TSPAN5: variants seen among roughly 807,000 people sequenced by gnomAD.
The protein encoded by TSPAN5 is tetraspanin-5.
Under a neutral mutation model 37.1 loss-of-function variants are expected in TSPAN5, and 10 were observed. That is an observed-to-expected ratio of 0.27 (90% CI 0.17 to 0.46). TSPAN5 has a LOEUF of 0.46. Ranked by LOEUF, TSPAN5 falls within the 20% of genes least tolerant of loss-of-function variation. The pLI, the probability that TSPAN5 is intolerant of heterozygous loss-of-function variation, is 1.00. For missense variants in TSPAN5, 195 were observed against 326.6 expected (o/e 0.60, Z 3.11); for synonymous variants, 110 against 118.9 (o/e 0.93, Z 0.48).
At chr4:98,481,836 T>C (rs991723354) in intron 4 of TSPAN5, among the ~76,000 whole-genome samples, 169 bp downstream of exon 4, 2 of 152,076 alleles carry the variant, frequency 1.3e-5, no homozygotes, top group Non-Finnish European at 2.9e-5. Flanking sequence ...AGAATACAAA[T>C]CCTGTAAGTC....
intron 1 of TSPAN5, among the ~76,000 whole-genome samples, chr4:98,556,193 A>G (rs11730384): frequency 0.68 from 103,978 of 151,950 alleles, 35,778 homozygotes; most frequent in South Asian, 0.82. Flanking sequence ...CTGTGGGTGG[A>G]AAAGTCAATT....
intron 1 of TSPAN5, among the ~76,000 whole-genome samples, chr4:98,543,397 A>G (rs945669396): frequency 6.7e-6 from 1 of 149,014 alleles, no homozygotes; most frequent in Non-Finnish European, 1.5e-5. Flanking sequence ...AAATACATAC[A>G]TAACAATTCT....
chr4:98,527,065 C>A (rs1483560368), intron 1 of TSPAN5, among the ~76,000 whole-genome samples: 1 of 152,176 alleles, frequency 6.6e-6, no homozygotes. Flanking sequence ...TTGACATCGA[C>A]TGTGCTTAGT....
At chr4:98,575,972 G>A (rs191932301) in intron 1 of TSPAN5, among the ~76,000 whole-genome samples, 1 of 152,204 alleles carries the variant, frequency 6.6e-6, no homozygotes, top group Non-Finnish European at 1.5e-5. Flanking sequence ...GGGAGGCTGA[G>A]GCAGGAGAAT....
chr4:98,544,976 C>A (rs1754436611), intron 1 of TSPAN5, among the ~76,000 whole-genome samples: 1 of 152,160 alleles, frequency 6.6e-6, no homozygotes, highest in Non-Finnish European at 1.5e-5. Flanking sequence ...TCCATTCTGA[C>A]CTTGTGGCTT....
chr4:98,492,934 T>C (rs956089896), intron 2 of TSPAN5, among the ~76,000 whole-genome samples: 2 of 152,092 alleles, frequency 1.3e-5, no homozygotes, highest in African/African-American at 4.8e-5. Context: ...AATCAATACA[T>C]TGGGAGGCCG....
intron 1 of TSPAN5, among the ~76,000 whole-genome samples, chr4:98,571,331 G>A (rs1755113175): frequency 6.6e-6 from 1 of 152,096 alleles, no homozygotes. Context: ...GCTGCTGGCG[G>A]GGAGGAGGGA....
intron 1 of TSPAN5, among the ~76,000 whole-genome samples, chr4:98,655,346 A>G (rs1397944661): frequency 3.9e-5 from 6 of 152,134 alleles, no homozygotes; most frequent in Non-Finnish European, 8.8e-5. Flanking sequence ...CTTCTCCAGC[A>G]TATTGGAACT....
chr4:98,620,854 G>A (rs767805929), intron 1 of TSPAN5, among the ~76,000 whole-genome samples: 12 of 152,200 alleles, frequency 7.9e-5, no homozygotes, highest in Non-Finnish European at 1.3e-4. Context: ...GAAGTCCCTG[G>A]AGGGGTTGTC....
intron 1 of TSPAN5, among the ~76,000 whole-genome samples, chr4:98,529,395 C>T (rs908395523): frequency 3.3e-5 from 5 of 152,158 alleles, no homozygotes; most frequent in African/African-American, 9.7e-5. Flanking sequence ...AAAAACTGCC[C>T]GAAGTGGGCA....
At chr4:98,497,265 C>T (rs6532738) in intron 2 of TSPAN5, among the ~76,000 whole-genome samples, 27,519 of 149,120 alleles carry the variant, frequency 0.18, 2,640 homozygotes, top group Non-Finnish European at 0.21. Flanking sequence ...TGCAGTGAGC[C>T]GAGATCGTGC....
intron 1 of TSPAN5, among the ~76,000 whole-genome samples, chr4:98,601,543 T>C (rs982391388): frequency 2.0e-5 from 3 of 152,220 alleles, no homozygotes; most frequent in African/African-American, 7.2e-5. Context: ...CTTCTGTAGT[T>C]TTTTTCTCCT....
intron 1 of TSPAN5, among the ~76,000 whole-genome samples, chr4:98,548,024 AAAAG>A (rs1339198088): frequency 0.067 from 8,891 of 133,522 alleles, 1,041 homozygotes; most frequent in African/African-American, 0.21. Flanking sequence ...AAAAAAAAAA[AAAAG>A]AAAAAGAAAA....
At chr4:98,498,522 G>A (rs1028807277) in intron 2 of TSPAN5, among the ~76,000 whole-genome samples, 19 of 152,252 alleles carry the variant, frequency 1.2e-4, no homozygotes, top group South Asian at 6.2e-4. Flanking sequence ...CTCCACCACC[G>A]CCGACAAAGG....
At position 98,643,115 on chromosome 4, in the gene TSPAN5, C is replaced by T. The variant is rs939911571; in HGVS notation, c.81+15031G>A. Among the ~76,000 whole-genome samples, 165 of 152,158 alleles carry T rather than the reference C, an allele frequency of 1.1e-3. 1 individual carries two copies. The highest frequency in any genetic ancestry group is 1.0e-3 in the Non-Finnish European group (71 of 68,034). ...AACTTCCAGTCCTGCAAGCTCCATT[C>T]GTGGTAAGTGCCCTACATTGGTGTA... On this transcript the variant is annotated intron_variant, in intron 1 of 7. Transcript: ENST00000305798.
At chr4:98,602,605 C>A (rs1015395678) in intron 1 of TSPAN5, among the ~76,000 whole-genome samples, 1 of 152,218 alleles carries the variant, frequency 6.6e-6, no homozygotes, top group Non-Finnish European at 1.5e-5. Context: ...AGCTACAGAA[C>A]CTGGCCTACC....
In TSPAN5 at chr4:98,529,725, G is replaced by A. The variant is rs147287564; in HGVS notation, c.82-21997C>T. ...TGGCAATACAGTTTCTCCTCACTGC[G>A]TCTCAGAACTTGGGGATTCAGTTTC... On this transcript the variant is annotated intron_variant, in intron 1 of 7. Transcript: ENST00000305798. Among the ~76,000 whole-genome samples, 1,328 of 152,286 alleles carry A rather than the reference G, an allele frequency of 8.7e-3. 10 individuals are homozygous for A. The highest frequency in any genetic ancestry group is 0.017 in the Middle Eastern group (5 of 294).
intron 1 of TSPAN5, among the ~76,000 whole-genome samples, chr4:98,633,905 C>T (rs1397090635): frequency 1.3e-5 from 2 of 151,978 alleles, no homozygotes; most frequent in African/African-American, 4.8e-5. Context: ...CATGGAGAAA[C>T]CTCGTCTCTA....
At chr4:98,517,805 C>T (rs1753768263) in intron 1 of TSPAN5, among the ~76,000 whole-genome samples, 1 of 152,112 alleles carries the variant, frequency 6.6e-6, no homozygotes, top group Non-Finnish European at 1.5e-5. Flanking sequence ...CTTTGCTTGT[C>T]TCAGTAAAAG....
Sources: allele counts gnomAD v4.1 joint callset (sites outside exome capture counted in the v4.1 genomes callset), GRCh38; gene constraint gnomAD v4.1.1; transcripts MANE v1.5; gene names NCBI Gene and HGNC (gene_info 2026-07-23, HGNC 2026-07-21).